Variants in PCNX2 observed in about 807,000 individuals in gnomAD.
PCNX2 encodes the protein pecanex-like protein 2.
A neutral mutation model predicts 223.8 loss-of-function variants in PCNX2; 168 were observed. The observed-to-expected ratio is 0.75, with a 90% CI of 0.66 to 0.85. PCNX2 has a LOEUF of 0.85. Ranked by LOEUF, PCNX2 falls within the 40% of genes least tolerant of loss-of-function variation. The pLI is 0.00. For synonymous variants in PCNX2, 1,006 were observed against 1,052.6 expected, an observed-to-expected ratio of 0.96 and a Z score of 0.86; for missense variants, 2,507 against 2,675.5, an observed-to-expected ratio of 0.94 and a Z score of 1.39.
At chr1:233,088,848 G>A (rs948171304) in intron 23 of PCNX2, among the ~76,000 whole-genome samples, 3 of 152,174 alleles carry the variant, frequency 2.0e-5, no homozygotes, top group Non-Finnish European at 4.4e-5. Flanking sequence ...TCAGGCCCAC[G>A]TGGTGCTTAC....
At chr1:233,011,326 T>G (rs1670462653) in intron 28 of PCNX2, among the ~76,000 whole-genome samples, 1 of 152,092 alleles carries the variant, frequency 6.6e-6, no homozygotes, top group Admixed American at 6.6e-5. Context: ...GCCCCCCAAT[T>G]CTATACAAAT....
intron 12 of PCNX2, among the ~76,000 whole-genome samples, chr1:233,210,959 G>T (rs905537954): frequency 6.6e-6 from 1 of 152,190 alleles, no homozygotes; most frequent in African/African-American, 2.4e-5. Context: ...AAGGAGCAAG[G>T]TTCGAGACTC....
the PCNX2 span, among the ~76,000 whole-genome samples, chr1:233,307,793 T>C: frequency 6.6e-6 from 1 of 152,200 alleles, no homozygotes; most frequent in Non-Finnish European, 1.5e-5. Flanking sequence ...AAGTAAATTG[T>C]CTGTGTGCTA....
chr1:233,019,000 C>T, intron 26 of PCNX2: 2 of 985,444 alleles, frequency 2.0e-6, no homozygotes, highest in Non-Finnish European at 2.4e-6. Flanking sequence ...GGCCCCCACC[C>T]TCCCTCTCTG....
At chr1:233,123,725 G>T (rs1463081834) in intron 21 of PCNX2, among the ~76,000 whole-genome samples, 10 of 152,290 alleles carry the variant, frequency 6.6e-5, no homozygotes, top group Non-Finnish European at 1.3e-4. Context: ...TGAATGAGAA[G>T]AGATTTGGGA....
chr1:233,200,442 T>G (rs1226358441), intron 13 of PCNX2, among the ~76,000 whole-genome samples, 178 bp from the exon 14 acceptor site: 1 of 134,028 alleles, frequency 7.5e-6, no homozygotes, highest in East Asian at 2.4e-4. Flanking sequence ...CAGGCTGGAG[T>G]GCAGTGGCGC....
At position 232,999,249 on chromosome 1, in the gene PCNX2, G is replaced by T. The variant is rs772537394; in HGVS notation, c.5459C>A (p.Ser1820Tyr). Residue 1820 changes from serine to tyrosine, a missense_variant, in exon 31 of 34, where the codon TCC becomes TAC. Around this residue, in one of 3 missense-constraint regions of PCNX2, gnomAD observed 1,372 missense variants for 1,509.4 expected, o/e 0.91. Coordinates refer to ENST00000258229, the MANE Select transcript of PCNX2 (RefSeq NM_014801.4). Reference sequence around the variant, plus strand: ...GGGGTACCCCAGGGGCTGATCGCAGGAGGAGTTAATCAAGTTCCGCAGGAC... The same window carrying T: ...GGGGTACCCCAGGGGCTGATCGCAGTAGGAGTTAATCAAGTTCCGCAGGAC... ...KQVLRNLINSSCDQPLGYPMY... is the reference protein window; with the variant it reads ...KQVLRNLINSYCDQPLGYPMY... 11 of 1,613,628 alleles carry T rather than the reference G, an allele frequency of 6.8e-6. No individual in the cohort carries two copies.
intron 22 of PCNX2, among the ~76,000 whole-genome samples, chr1:233,093,040 C>A (rs937655213): frequency 4.6e-5 from 7 of 152,166 alleles, no homozygotes; most frequent in African/African-American, 1.7e-4. Flanking sequence ...ACCTCATGAT[C>A]TGCCCTCCTT....
Position 233,058,814 on chromosome 1 carries a change from C to T in PCNX2, c.4077-1524G>A, listed in dbSNP as rs547484157. Among the ~76,000 whole-genome samples the T allele has an allele frequency of 9.2e-5, 14 of 151,894 alleles. No homozygotes were observed. In the South Asian group the frequency reaches 1.2e-3, roughly 14 times the overall value. ...CCCAGTAGCTGGGATTACAGACATG[C>T]GCCACATGCCCAGCTAATTTTTGTA... On this transcript the variant is annotated intron_variant, in intron 23 of 33. Coordinates refer to ENST00000258229, the MANE Select transcript of PCNX2 (RefSeq NM_014801.4).
the PCNX2 span, among the ~76,000 whole-genome samples, chr1:233,324,175 T>C: frequency 6.6e-6 from 1 of 152,184 alleles, no homozygotes; most frequent in East Asian, 1.9e-4. Flanking sequence ...AGAAAGCTAG[T>C]AGAGGTTGGC....
chr1:233,229,069 G>A (rs1490769008), intron 9 of PCNX2, among the ~76,000 whole-genome samples: 2 of 152,220 alleles, frequency 1.3e-5, no homozygotes, highest in East Asian at 3.9e-4. Flanking sequence ...TTATACATGG[G>A]CAGACAGCAC....
At chr1:233,180,578 C>G (rs969548109) in intron 15 of PCNX2, among the ~76,000 whole-genome samples, 7 of 152,048 alleles carry the variant, frequency 4.6e-5, no homozygotes, top group Non-Finnish European at 1.0e-4. Flanking sequence ...ATGAATGAGT[C>G]AAGTGTGCTT....
At chr1:233,210,885 C>A (rs539499676) in intron 12 of PCNX2, among the ~76,000 whole-genome samples, 1 of 152,118 alleles carries the variant, frequency 6.6e-6, no homozygotes, top group Non-Finnish European at 1.5e-5. Flanking sequence ...TGTGCATTTG[C>A]GTTTTCCATC....
chr1:233,311,180 T>A, the PCNX2 span, among the ~76,000 whole-genome samples: 1 of 152,260 alleles, frequency 6.6e-6, no homozygotes, highest in Admixed American at 6.5e-5. Context: ...AGGGATTTCT[T>A]TGTTACCATA....
intron 9 of PCNX2, among the ~76,000 whole-genome samples, chr1:233,228,027 T>C (rs1657848550): frequency 6.6e-6 from 1 of 152,186 alleles, no homozygotes; most frequent in East Asian, 1.9e-4. Context: ...AAATACTTAA[T>C]GAGGGATTCT....
At chr1:233,009,659 C>T (rs1189566159) in intron 28 of PCNX2, among the ~76,000 whole-genome samples, 1 of 152,174 alleles carries the variant, frequency 6.6e-6, no homozygotes, top group Non-Finnish European at 1.5e-5. Context: ...GAATTAATCA[C>T]TCAGCAGCTT....
At chr1:233,131,330 C>T (rs920452853) in intron 21 of PCNX2, among the ~76,000 whole-genome samples, 3 of 151,984 alleles carry the variant, frequency 2.0e-5, no homozygotes, top group African/African-American at 7.3e-5. Flanking sequence ...GTAAGCACAA[C>T]AATGGGGCCT....
At position 233,119,710 on chromosome 1, in the gene PCNX2, T is replaced by C. The variant is rs142301340; in HGVS notation, c.3837+15303A>G. Among the ~76,000 whole-genome samples, 513 of 152,140 alleles carry C rather than the reference T, an allele frequency of 3.4e-3. 6 individuals carry two copies. The highest frequency in any genetic ancestry group is 0.012 in the African/African-American group (478 of 41,540). On this transcript the variant is annotated intron_variant, in intron 21 of 33. Coordinates refer to ENST00000258229, the MANE Select transcript of PCNX2 (RefSeq NM_014801.4). ...GAACCAGGCAAAGAGTTTTTTGCAC[T>C]TCACACAAAATTATGATCAATAAAA...
intron 23 of PCNX2, among the ~76,000 whole-genome samples, chr1:233,065,265 A>G (rs766388069): frequency 6.6e-6 from 1 of 152,306 alleles, no homozygotes; most frequent in East Asian, 1.9e-4. Flanking sequence ...ATATGGACAT[A>G]ATGAGGCAAT....
Sources: gnomAD v4.1 joint callset for allele counts (sites outside exome capture counted in the v4.1 genomes callset) on GRCh38, gnomAD v4.1.1 for gene constraint, gnomAD v4.1.1 regional missense constraint, MANE v1.5 for transcripts, NCBI Gene and HGNC (gene_info 2026-07-23, HGNC 2026-07-21) for gene names.